Variants in HOMER2 observed in about 807,000 individuals in gnomAD.
The protein encoded by HOMER2 is homer scaffold protein 2.
Under a neutral mutation model 47.0 loss-of-function variants are expected in HOMER2, and 27 were observed. The observed-to-expected ratio is 0.57, with a 90% CI of 0.42 to 0.79. HOMER2 has a LOEUF of 0.79. Ranked by LOEUF, HOMER2 falls within the 30% of genes least tolerant of loss-of-function variation. The pLI, the probability that HOMER2 is intolerant of heterozygous loss-of-function variation, is 0.00. For missense variants in HOMER2, 443 were observed against 435.0 expected (o/e 1.02, Z -0.16); for synonymous variants, 161 against 163.8 (o/e 0.98, Z 0.13).
intron 1 of HOMER2, among the ~76,000 whole-genome samples, chr15:82,949,600 TGGA>T: frequency 6.6e-6 from 1 of 152,120 alleles, no homozygotes; most frequent in East Asian, 1.9e-4. Flanking sequence ...AGAAAGTGAA[TGGA>T]GCCAGTGGGT....
chr15:82,836,263 T>C (rs2051125402), downstream of HOMER2, among the ~76,000 whole-genome samples: 2 of 152,238 alleles, frequency 1.3e-5, no homozygotes, highest in Non-Finnish European at 2.9e-5. Context: ...AAGTGTCTCC[T>C]ATTGCCCAGC....
intron 1 of HOMER2, among the ~76,000 whole-genome samples, chr15:82,908,496 A>G (rs887953278): frequency 1.3e-5 from 2 of 152,184 alleles, no homozygotes; most frequent in African/African-American, 4.8e-5. Context: ...GTTTTATCTG[A>G]CATGATAAGG....
chr15:82,891,287 A>G (rs2052697188), intron 2 of HOMER2, among the ~76,000 whole-genome samples: 3 of 152,262 alleles, frequency 2.0e-5, no homozygotes, highest in Middle Eastern at 6.8e-3. Flanking sequence ...GGGCCAGGTC[A>G]TTGCCTCTCC....
In HOMER2 at chr15:82,849,417, G is replaced by C. The variant is rs985643683; in HGVS notation, c.*298C>G. The C allele has an allele frequency of 1.1e-5, 4 of 352,342 alleles. No individual in the cohort carries two copies. Among genetic ancestry groups the C allele is most frequent in the African/African-American group, 8.3e-5 (4 of 48,292 alleles). The allele number at this position is 352,342 out of a possible 1,614,324, so 21.8% of individuals were successfully genotyped here. ...GCGTGTTTTTTCAGTTCATATGGTT[G>C]CAACAGCCCTTATGAAAGATATAAA... On this transcript the variant is annotated 3_prime_UTR_variant, in exon 9 of 9. Coordinates refer to ENST00000450735, the MANE Select transcript of HOMER2 (RefSeq NM_004839.4).
chr15:82,956,590 CT>C (rs1337019120), upstream of HOMER2, among the ~76,000 whole-genome samples: 1 of 152,090 alleles, frequency 6.6e-6, no homozygotes, highest in African/African-American at 2.4e-5. Flanking sequence ...AACATGGAGA[CT>C]GGTTAAGAGG....
chr15:82,962,813 A>G (rs1226699694), intron 1 of HOMER2, among the ~76,000 whole-genome samples: 3 of 152,216 alleles, frequency 2.0e-5, no homozygotes, highest in Non-Finnish European at 2.9e-5. Flanking sequence ...AGTGACACCA[A>G]TATCAGTCCA....
chr15:82,907,547 G>C (rs1324094088), intron 1 of HOMER2, among the ~76,000 whole-genome samples: 1 of 151,876 alleles, frequency 6.6e-6, no homozygotes, highest in Non-Finnish European at 1.5e-5. Context: ...GGGAGAGAAA[G>C]GGAGAAAGGG....
intron 1 of HOMER2, among the ~76,000 whole-genome samples, chr15:82,906,714 G>A (rs546806714): frequency 2.0e-5 from 3 of 152,200 alleles, no homozygotes; most frequent in Admixed American, 6.5e-5. Flanking sequence ...GATTACAGGC[G>A]TGAGCCACCG....
intron 2 of HOMER2, among the ~76,000 whole-genome samples, chr15:82,879,152 G>C (rs1236053682): frequency 2.6e-5 from 4 of 152,124 alleles, no homozygotes; most frequent in Admixed American, 2.6e-4. Flanking sequence ...TAAGACTCTG[G>C]GAGTATTCTC....
chr15:82,898,276 C>A (rs7168760), intron 1 of HOMER2: 64,607 of 151,722 alleles, frequency 0.43, 13,955 homozygotes, highest in South Asian at 0.47. Flanking sequence ...GTCATTTCCT[C>A]CAGTGTGCAA....
chr15:82,979,321 C>T lies in HOMER2; in HGVS notation n.82+6466G>A, dbSNP rs1466433393. On this transcript the variant is annotated intron_variant and non_coding_transcript_variant, in intron 1 of 1. Transcript: ENST00000500334. Reference sequence around the variant, plus strand: ...ATCTCGATCAGCTGCACATTCCAAACTAAGGAGCTTGGATTGTATCCTAGA... The same window carrying T: ...ATCTCGATCAGCTGCACATTCCAAATTAAGGAGCTTGGATTGTATCCTAGA... 2.0e-5 allele frequency among the ~76,000 whole-genome samples: 3 copies of T among 152,270 alleles called. No individual in the cohort carries two copies. In the East Asian group the frequency reaches 5.8e-4, roughly 29 times the overall value.
chr15:82,904,300 A>G (rs1296145562), intron 1 of HOMER2, among the ~76,000 whole-genome samples: 1 of 152,186 alleles, frequency 6.6e-6, no homozygotes, highest in Non-Finnish European at 1.5e-5. Flanking sequence ...CTCTGTGGAA[A>G]TGAGTGCCAG....
chr15:82,950,543 C>T (rs1368960010), intron 1 of HOMER2, among the ~76,000 whole-genome samples: 1 of 152,154 alleles, frequency 6.6e-6, no homozygotes, highest in Non-Finnish European at 1.5e-5. Flanking sequence ...CGGCTCCCTC[C>T]ACCCTCCTGT....
At chr15:82,934,603 G>A (rs1441774005) in intron 1 of HOMER2, among the ~76,000 whole-genome samples, 1 of 152,094 alleles carries the variant, frequency 6.6e-6, no homozygotes, top group East Asian at 1.9e-4. Context: ...TTCTTCCTGG[G>A]AGGGCCCATG....
intron 2 of HOMER2, among the ~76,000 whole-genome samples, chr15:82,881,975 G>A (rs1198333030): frequency 6.6e-6 from 1 of 152,220 alleles, no homozygotes; most frequent in East Asian, 1.9e-4. Context: ...AACTCAGTCT[G>A]GAAAGAGTGC....
intron 1 of HOMER2, among the ~76,000 whole-genome samples, chr15:82,964,433 C>A (rs2054656242): frequency 6.6e-6 from 1 of 152,200 alleles, no homozygotes; most frequent in Non-Finnish European, 1.5e-5. Context: ...TCAAGCTGGA[C>A]CTATAATTAA....
chr15:82,866,432 G>C (rs117765475), intron 3 of HOMER2, among the ~76,000 whole-genome samples: 1,614 of 152,326 alleles, frequency 0.011, 7 homozygotes, highest in Non-Finnish European at 0.016. Flanking sequence ...CCTTGTCTCA[G>C]ATGAGACCGG....
chr15:82,947,627 A>C lies in HOMER2; in HGVS notation c.5+4904T>G, dbSNP rs1199822453. Among the ~76,000 whole-genome samples the C allele has an allele frequency of 5.3e-5, 8 of 152,222 alleles. 1 individual carries two copies. The East Asian group carries it at 1.5e-3, about 29-fold the overall frequency. ...TAACCCACATCACAATGAAAGCTAAATGGCTTGCTTTAATGTTAAAAGAAA... is the reference window on the plus strand; with the variant it reads ...TAACCCACATCACAATGAAAGCTAACTGGCTTGCTTTAATGTTAAAAGAAA... On this transcript the variant is annotated intron_variant, in intron 1 of 8. Coordinates refer to ENST00000450735, the MANE Select transcript of HOMER2 (RefSeq NM_004839.4).
At chr15:82,864,425 A>T (rs2051897123) in intron 3 of HOMER2, among the ~76,000 whole-genome samples, 166 bp from the exon 4 acceptor site, 1 of 152,230 alleles carries the variant, frequency 6.6e-6, no homozygotes, top group African/African-American at 2.4e-5. Context: ...TATTCCAGTA[A>T]ACAGCACTGG....
Sources: allele counts gnomAD v4.1 joint callset (sites outside exome capture counted in the v4.1 genomes callset), GRCh38; gene constraint gnomAD v4.1.1; transcripts MANE v1.5; gene names NCBI Gene and HGNC (gene_info 2026-07-23, HGNC 2026-07-21).